The following ZHX1 variants were observed in gnomAD, a reference collection of about 807,000 sequenced individuals.
The protein encoded by ZHX1 is zinc fingers and homeoboxes protein 1.
Under a neutral mutation model 61.8 loss-of-function variants are expected in ZHX1, and 20 were observed. That is an observed-to-expected ratio of 0.32 (90% CI 0.23 to 0.47). ZHX1 has a LOEUF of 0.47. Ranked by LOEUF, ZHX1 falls within the 20% of genes least tolerant of loss-of-function variation. The probability of loss-of-function intolerance (pLI) is 1.00; values close to 1 mark genes in which losing one functional copy is unlikely to be tolerated. For missense variants in ZHX1, 800 were observed against 1,034.8 expected (o/e 0.77, Z 3.11); for synonymous variants, 318 against 352.6 (o/e 0.90, Z 1.10).
At chr8:123,271,116 T>C (rs1021592229) in intron 1 of ZHX1, among the ~76,000 whole-genome samples, 2 of 152,216 alleles carry the variant, frequency 1.3e-5, no homozygotes, top group Non-Finnish European at 2.9e-5. Flanking sequence ...AATCTGGTTA[T>C]TGATGACTAC....
In ZHX1 at chr8:123,266,492, C is replaced by T. The variant is rs1826463356; in HGVS notation, c.-226+781G>A. 2.0e-5 allele frequency among the ~76,000 whole-genome samples: 3 copies of T among 152,146 alleles called. No homozygotes were observed. The South Asian group carries it at 6.2e-4, about 31-fold the overall frequency. ...CATTTTTTAAAAATGAAAACTGCCA[C>T]ATTAATGTTTATCAAATCTTTCCTA... On this transcript the variant is annotated intron_variant, in intron 2 of 3. Transcript: ENST00000395571.
chr8:123,260,521 T>G (rs1826216460), intron 2 of ZHX1, among the ~76,000 whole-genome samples: 1 of 149,284 alleles, frequency 6.7e-6, no homozygotes, highest in Non-Finnish European at 1.5e-5. Flanking sequence ...TCACTTGAAC[T>G]CGGGAGGTGG....
At position 123,254,821 on chromosome 8, in the gene ZHX1, T is replaced by C. The variant is rs780345342; in HGVS notation, c.1126A>G (p.Thr376Ala). Residue 376 changes from threonine to alanine, a missense_variant, in exon 3 of 4, where the codon ACA becomes GCA. Physicochemically the swap from Thr to Ala is moderately conservative, Grantham distance 58. Coordinates refer to ENST00000395571, the MANE Select transcript of ZHX1 (RefSeq NM_007222.5). The surrounding 1 kb of genome is among the most constrained non-coding windows in gnomAD (Gnocchi z 4.1). ...ATAGATGGTAAACCATTACTCCCTG[T>C]GGAAATGTGTGTAGGAATAACAGTT... ...TITVIPTHIS[T>A]GSNGLPSILQ... 8 of 1,614,206 alleles carry C rather than the reference T, an allele frequency of 5.0e-6. No homozygotes were observed. Among genetic ancestry groups the C allele is most frequent in the Non-Finnish European group, 6.8e-6 (8 of 1,180,030 alleles).
intron 2 of ZHX1, among the ~76,000 whole-genome samples, chr8:123,260,406 C>T (rs1049413931): frequency 2.6e-5 from 4 of 151,734 alleles, no homozygotes; most frequent in Admixed American, 2.6e-4. Flanking sequence ...TGAGACCAGG[C>T]TGGCCAACAT....
At chr8:123,271,131 A>G (rs1056676847) in intron 1 of ZHX1, among the ~76,000 whole-genome samples, 8 of 152,226 alleles carry the variant, frequency 5.3e-5, no homozygotes, top group African/African-American at 1.4e-4. Context: ...GACTACAAAT[A>G]TATCAGAGCA....
chr8:123,254,300 G>A lies in ZHX1; in HGVS notation c.1647C>T (p.Ser549=). The A allele has an allele frequency of 6.2e-7, 1 of 1,614,090 alleles. No homozygotes were observed. Among genetic ancestry groups the A allele is most frequent in the Non-Finnish European group, 8.5e-7 (1 of 1,179,996 alleles). Residue 549 remains serine (S), a synonymous_variant, in exon 3 of 4, where the codon TCC becomes TCT. Transcript: ENST00000395571. This position sits in a 1 kb window ranked among gnomAD's most constrained non-coding sequence, Gnocchi z 4.1. ...TAGGCTGTGCAGTACCAACAGTTGG[G>A]GATTCCGTGGTTTCATCACTGGAGT... ...IIDSSDETTE[S]PTVGTAQPKQ... is the part of the protein sequence containing the mutation.
chr8:123,265,111 C>T (rs1042388405), intron 2 of ZHX1, among the ~76,000 whole-genome samples: 1 of 150,164 alleles, frequency 6.7e-6, no homozygotes, highest in African/African-American at 2.4e-5. Flanking sequence ...ATCGCTTGAA[C>T]CTGGGAGAAG....
rs770197354 is a variant in ZHX1, at chr8:123,253,695, C to G, written c.2252G>C (p.Arg751Pro). 1.2e-6 allele frequency: 2 copies of G among 1,614,202 alleles called. No individual in the cohort carries two copies. The highest frequency in any genetic ancestry group is 1.1e-5 in the South Asian group (1 of 91,082). Residue 751 changes from arginine (R) to proline (P), a missense_variant, in exon 3 of 4, where the codon CGG becomes CCG. Physicochemically the swap from Arg to Pro is moderately radical, Grantham distance 103. Coordinates refer to ENST00000395571, the MANE Select transcript of ZHX1 (RefSeq NM_007222.5). ...CCGCCCACGCGGTCTTCCTCTTCCC[C>G]GTCCTTTGGGTCTCCCTCTCCCTCT... Reference protein sequence around the residue: ...RKRGRGRPKGRGRGRPRGRPR... With the variant: ...RKRGRGRPKGPGRGRPRGRPR...
At chr8:123,269,161 G>A (rs915967636) in intron 1 of ZHX1, among the ~76,000 whole-genome samples, 22 of 152,174 alleles carry the variant, frequency 1.4e-4, no homozygotes, top group African/African-American at 5.3e-4. Context: ...GAGAAGATAG[G>A]AAACAGCTGC....
chr8:123,254,746 C>G lies in ZHX1; in HGVS notation c.1201G>C (p.Val401Leu), dbSNP rs767123344. ...ACTGGCAAGGTGTTTGTTCCAGCCA[C>G]TTGAGTAAGGACCAGACCAGGCTGA... ...VGQPGLVLTQ[V>L]AGTNTLPVTA... The change falls in exon 3 of 4, where the codon GTG (valine) becomes CTG (leucine). Residue 401 changes from valine (V) to leucine (L), a missense_variant. Transcript: ENST00000395571. The surrounding 1 kb of genome is among the most constrained non-coding windows in gnomAD (Gnocchi z 4.1). 6.2e-7 allele frequency: 1 copy of G among 1,614,170 alleles called. No individual in the cohort carries two copies. The highest frequency in any genetic ancestry group is 8.5e-7 in the Non-Finnish European group (1 of 1,180,024).
chr8:123,254,839 T>A lies in ZHX1; in HGVS notation c.1108A>T (p.Ile370Phe). 1 of 1,614,248 alleles carries A rather than the reference T, an allele frequency of 6.2e-7. No individual in the cohort carries two copies. The highest frequency in any genetic ancestry group is 8.5e-7 in the Non-Finnish European group (1 of 1,180,042). ...CTCCCTGTGGAAATGTGTGTAGGAATAACAGTTATGGTCTGAGGTACAGTA... is the reference window on the plus strand; with the variant it reads ...CTCCCTGTGGAAATGTGTGTAGGAAAAACAGTTATGGTCTGAGGTACAGTA... ...VHTVPQTITV[I>F]PTHISTGSNG... The change falls in exon 3 of 4, where the codon ATT becomes TTT. Residue 370 changes from isoleucine (I) to phenylalanine (F), a missense_variant. Transcript: ENST00000395571. This position sits in a 1 kb window ranked among gnomAD's most constrained non-coding sequence, Gnocchi z 4.1.
Position 123,254,141 on chromosome 8 carries a change from C to G in ZHX1, c.1806G>C (p.Arg602Ser), listed in dbSNP as rs1327228140. The G allele has an allele frequency of 6.2e-7, 1 of 1,614,060 alleles. No individual in the cohort carries two copies. The highest frequency in any genetic ancestry group is 8.5e-7 in the Non-Finnish European group (1 of 1,180,018). The change falls in exon 3 of 4, where the codon AGG becomes AGC. Residue 602 changes from arginine (R) to serine (S), a missense_variant. Transcript: ENST00000395571. The surrounding 1 kb of genome is among the most constrained non-coding windows in gnomAD (Gnocchi z 4.1). Reference sequence around the variant, plus strand: ...CTCTTCTGGTAAGTTTGGTTTGTGCCCTTAACCTATTTAATTCTTCATCTG... The same window carrying G: ...CTCTTCTGGTAAGTTTGGTTTGTGCGCTTAACCTATTTAATTCTTCATCTG... ...VLTDEELNRLRAQTKLTRREI... is the reference protein window; with the variant it reads ...VLTDEELNRLSAQTKLTRREI...
At chr8:123,256,340 C>G (rs1826068996) in intron 2 of ZHX1, among the ~76,000 whole-genome samples, 169 bp from the exon 3 acceptor site, 1 of 152,106 alleles carries the variant, frequency 6.6e-6, no homozygotes, top group South Asian at 2.1e-4. Flanking sequence ...ATAAATCTCT[C>G]CAGGCCAACT....
At position 123,254,235 on chromosome 8, in the gene ZHX1, T is replaced by G; in HGVS notation, c.1712A>C (p.Lys571Thr). 6.2e-7 allele frequency: 1 copy of G among 1,614,152 alleles called. No homozygotes were observed. The highest frequency in any genetic ancestry group is 8.5e-7 in the Non-Finnish European group (1 of 1,180,022). The change falls in exon 3 of 4, where the codon AAG becomes ACG. Residue 571 changes from lysine (K) to threonine (T), a missense_variant. Lys to Thr is a moderately conservative substitution (Grantham distance 78, BLOSUM62 -1). Transcript: ENST00000395571. The surrounding 1 kb of genome is among the most constrained non-coding windows in gnomAD (Gnocchi z 4.1). ...WNPFPDFTPQ[K>T]FKEKTAEQLR... is the part of the protein sequence containing the mutation. Reference sequence around the variant, plus strand: ...CTGCTCTGCAGTTTTCTCTTTAAACTTTTGGGGAGTAAAGTCAGGAAAAGG... The same window carrying G: ...CTGCTCTGCAGTTTTCTCTTTAAACGTTTGGGGAGTAAAGTCAGGAAAAGG...
chr8:123,267,363 T>G lies in ZHX1; in HGVS notation c.-316A>C. ...AGCTCAGGCCATCATTACCAACAGG[T>G]CCAAAGCAGCAGTCTGTCTTCTCCT... On this transcript the variant is annotated 5_prime_UTR_variant, in exon 2 of 4. Transcript: ENST00000395571. 5 of 1,290,204 alleles carry G rather than the reference T, an allele frequency of 3.9e-6. No homozygotes were observed. Among genetic ancestry groups the G allele is most frequent in the Non-Finnish European group, 5.3e-6 (5 of 946,826 alleles). The allele number at this position is 1,290,204 out of a possible 1,614,324, so 79.9% of individuals were successfully genotyped here. A position where few individuals can be genotyped will look rare whatever the true frequency, so the allele number is the denominator to read the frequency against.
chr8:123,253,920 T>C lies in ZHX1; in HGVS notation c.2027A>G (p.Lys676Arg). The C allele has an allele frequency of 6.2e-7, 1 of 1,614,256 alleles. No homozygotes were observed. Among genetic ancestry groups the C allele is most frequent in the Non-Finnish European group, 8.5e-7 (1 of 1,180,044 alleles). Residue 676 changes from lysine (K) to arginine (R), a missense_variant, in exon 3 of 4, where the codon AAG (lysine) becomes AGG (arginine). Physicochemically the swap from Lys to Arg is conservative, Grantham distance 26. Coordinates refer to ENST00000395571, the MANE Select transcript of ZHX1 (RefSeq NM_007222.5). ...KKTPEQLHML[K>R]SAFVRTQWPS... is the part of the protein sequence containing the mutation. ...CCACTGTGTCCGGACAAATGCACTC[T>C]TAAGCATGTGCAGCTGCTCAGGTGT...
At chr8:123,259,500 TC>T (rs1826180288) in intron 2 of ZHX1, among the ~76,000 whole-genome samples, 1 of 152,152 alleles carries the variant, frequency 6.6e-6, no homozygotes, top group African/African-American at 2.4e-5. Flanking sequence ...ACATCTGTAA[TC>T]CAGCTATTCA....
At chr8:123,269,034 G>A (rs1826556546) in intron 1 of ZHX1, among the ~76,000 whole-genome samples, 2 of 152,216 alleles carry the variant, frequency 1.3e-5, no homozygotes, top group Admixed American at 1.3e-4. Flanking sequence ...GCATTTTCCT[G>A]GTAGGCCCAG....
rs944300852 is a variant in ZHX1 at position 123,254,085 on chromosome 8, T to A, written c.1862A>T (p.Lys621Ile). The A allele has an allele frequency of 2.5e-6, 4 of 1,613,998 alleles. No individual in the cohort carries two copies. In the African/African-American group the frequency reaches 5.3e-5, roughly 22 times the overall value. ...EIDAWFTEKK[K>I]SKALKEEKME... ...TTTCTCTTCCTTTAAAGCTTTTGATTTCTTCTTCTCTGTAAACCAAGCATC... is the reference window on the plus strand; with the variant it reads ...TTTCTCTTCCTTTAAAGCTTTTGATATCTTCTTCTCTGTAAACCAAGCATC... Residue 621 changes from lysine (K) to isoleucine (I), a missense_variant, in exon 3 of 4, where the codon AAA becomes ATA. Transcript: ENST00000395571. The surrounding 1 kb of genome is among the most constrained non-coding windows in gnomAD (Gnocchi z 4.1).
Sources: gnomAD v4.1 joint callset for allele counts (sites outside exome capture counted in the v4.1 genomes callset) on GRCh38, gnomAD v4.1.1 for gene constraint, Gnocchi (gnomAD v3.1) non-coding constraint, MANE v1.5 for transcripts, NCBI Gene and HGNC (gene_info 2026-07-23, HGNC 2026-07-21) for gene names.